Variants in ABCA4 observed in about 807,000 individuals in gnomAD.
The protein encoded by ABCA4 is ATP binding cassette subfamily A member 4, also known as retinal-specific phospholipid-transporting ATPase ABCA4.
Under a neutral mutation model 263.7 loss-of-function variants are expected in ABCA4, and 196 were observed. The ratio of observed to expected loss-of-function variants is 0.74; its 90% confidence interval spans 0.66 to 0.84. The LOEUF (loss-of-function observed/expected upper bound fraction) is 0.84, where lower values mean the gene tolerates loss of function less well. Ranked by LOEUF, ABCA4 falls within the 40% of genes least tolerant of loss-of-function variation. The pLI, the probability that ABCA4 is intolerant of heterozygous loss-of-function variation, is 0.00. For missense variants in ABCA4, 2,792 were observed against 2,855.1 expected, an observed-to-expected ratio of 0.98 and a Z score of 0.50; for synonymous variants, 1,133 against 1,094.2, an observed-to-expected ratio of 1.04 and a Z score of -0.70.
At chr1:94,050,030 G>A (rs750389739) in intron 17 of ABCA4, among the ~76,000 whole-genome samples, 1 of 152,174 alleles carries the variant, frequency 6.6e-6, no homozygotes, top group Non-Finnish European at 1.5e-5. Context: ...GGAGCAGGGC[G>A]AGATTTCTCA....
In ABCA4 at chr1:94,062,637, G is replaced by A. The variant is rs778392569; in HGVS notation, c.1877C>T (p.Ala626Val). 40 of 1,614,004 alleles carry A rather than the reference G, an allele frequency of 2.5e-5. 1 individual carries two copies. Among genetic ancestry groups the A allele is most frequent in the East Asian group, 8.9e-5 (4 of 44,884 alleles). The change falls in exon 13 of 50, where the codon GCG (alanine) becomes GTG (valine). Residue 626 changes from alanine to valine, a missense_variant. Coordinates refer to ENST00000370225, the MANE Select transcript of ABCA4 (RefSeq NM_000350.3). Reference sequence around the variant, plus strand: ...GAGGTAGATTCCAACTGGAGCCTCCGCCTGCACCTGGCTCCTTGTGATCCC... The same window carrying A: ...GAGGTAGATTCCAACTGGAGCCTCCACCTGCACCTGGCTCCTTGTGATCCC... Reference protein sequence around the residue: ...EQGITRSQVQAEAPVGIYLQQ... With the variant: ...EQGITRSQVQVEAPVGIYLQQ...
chr1:94,105,835 G>A (rs1662417242), intron 4 of ABCA4, among the ~76,000 whole-genome samples: 1 of 152,172 alleles, frequency 6.6e-6, no homozygotes, highest in African/African-American at 2.4e-5. Context: ...GAAAACCTCT[G>A]CCTGGGTCAA....
rs778817150 is a variant in ABCA4, at chr1:94,111,489, C to A, written c.251G>T (p.Ser84Ile). 6.2e-7 allele frequency: 1 copy of A among 1,614,184 alleles called. No individual in the cohort carries two copies. The highest frequency in any genetic ancestry group is 8.5e-7 in the Non-Finnish European group (1 of 1,180,022). Residue 84 changes from serine (S) to isoleucine (I), a missense_variant, in exon 3 of 50, where the codon AGC (serine) becomes ATC (isoleucine). Ser to Ile is a moderately radical substitution (Grantham distance 142). Transcript: ENST00000370225. Reference sequence around the variant, plus strand: ...TCCAGGAGATTCTCCTGGGGTGGGGCTTTGAAAACAGGGATTGTTCACATT... The same window carrying A: ...TCCAGGAGATTCTCCTGGGGTGGGGATTTGAAAACAGGGATTGTTCACATT... ...FCNVNNPCFQ[S>I]PTPGESPGIV...
chr1:94,040,437 C>T (rs998807255), intron 23 of ABCA4, among the ~76,000 whole-genome samples: 2 of 152,158 alleles, frequency 1.3e-5, no homozygotes, highest in South Asian at 2.1e-4. Flanking sequence ...GTGCCTCCCT[C>T]CCCGTGGATG....
chr1:94,034,771 T>A (rs74902912), intron 26 of ABCA4, among the ~76,000 whole-genome samples: 3,823 of 152,092 alleles, frequency 0.025, 177 homozygotes, highest in African/African-American at 0.088. Flanking sequence ...GCCTGCTTCA[T>A]AAGATTACAG....
rs189864729 is a variant in ABCA4, at chr1:94,059,117, A to T, written c.2160+1420T>A. 1.3e-4 allele frequency among the ~76,000 whole-genome samples: 20 copies of T among 152,350 alleles called. No homozygotes were observed. The East Asian group carries it at 3.9e-3, about 29-fold the overall frequency. ...CCCATTCTTAGGAGGGCAGATCTCA[A>T]TGCTGCTTATCAACAAGCCAGGCAA... On this transcript the variant is annotated intron_variant, in intron 14 of 49. Transcript: ENST00000370225.
chr1:94,049,486 G>T (rs1368567709), intron 17 of ABCA4, among the ~76,000 whole-genome samples: 4 of 152,002 alleles, frequency 2.6e-5, no homozygotes, highest in Non-Finnish European at 4.4e-5. Flanking sequence ...TAGCCGGGTG[G>T]GGTGGCGCTC....
chr1:94,049,104 C>T (rs1341390192), intron 17 of ABCA4, 147 bp from the exon 18 acceptor site: 2 of 729,924 alleles, frequency 2.7e-6, no homozygotes, highest in East Asian at 5.4e-5. Flanking sequence ...CAAGCCTGAT[C>T]ACACAATCTT....
In ABCA4 at chr1:94,005,529, A is replaced by C; in HGVS notation, c.6059T>G (p.Phe2020Cys). 1 of 1,614,190 alleles carries C rather than the reference A, an allele frequency of 6.2e-7. No homozygotes were observed. Reference sequence around the variant, plus strand: ...TGTGAGCAGCTCATCAATTGCATCAAACTGAGGACAGTAGCCCATATTTTG... The same window carrying C: ...TGTGAGCAGCTCATCAATTGCATCACACTGAGGACAGTAGCCCATATTTTG... ...VHQNMGYCPQ[F>C]DAIDELLTGR... The change falls in exon 44 of 50, where the codon TTT becomes TGT. Residue 2020 changes from phenylalanine (F) to cysteine (C), a missense_variant. Phe to Cys is a radical substitution (Grantham distance 205). Coordinates refer to ENST00000370225, the MANE Select transcript of ABCA4 (RefSeq NM_000350.3).
At chr1:94,110,047 G>T (rs182311188) in intron 3 of ABCA4, among the ~76,000 whole-genome samples, 1 of 152,184 alleles carries the variant, frequency 6.6e-6, no homozygotes, top group African/African-American at 2.4e-5. Context: ...CTGTCTTCAG[G>T]CCTCCCTGAT....
chr1:94,058,642 G>A (rs182818669), intron 14 of ABCA4, among the ~76,000 whole-genome samples: 44 of 152,346 alleles, frequency 2.9e-4, no homozygotes, highest in African/African-American at 6.5e-4. Context: ...GGTTACAGGC[G>A]TGAGCCACCA....
intron 11 of ABCA4, among the ~76,000 whole-genome samples, chr1:94,065,165 T>C (rs919567607): frequency 6.6e-6 from 1 of 151,728 alleles, no homozygotes; most frequent in Non-Finnish European, 1.5e-5. Flanking sequence ...CTAGAGTTCT[T>C]CCTGCCACAC....
chr1:94,091,573 A>G (rs1661967751), intron 6 of ABCA4, among the ~76,000 whole-genome samples: 1 of 137,040 alleles, frequency 7.3e-6, no homozygotes, highest in Admixed American at 8.4e-5. Context: ...AATGGCAAAC[A>G]TCATCTCACA....
intron 30 of ABCA4, among the ~76,000 whole-genome samples, chr1:94,028,328 C>A (rs1214113426): frequency 6.6e-6 from 1 of 152,124 alleles, no homozygotes; most frequent in South Asian, 2.1e-4. Flanking sequence ...TCTCTAAATC[C>A]CCCAGGAGAT....
Position 94,095,868 on chromosome 1 carries a change from C to A in ABCA4, c.768+2926G>T, listed in dbSNP as rs1024066711. ...CCTGCTTCGGTTGGATCTTTCTCCA[C>A]CGAGACGGAAGCAGGAGTGAGAGGA... On this transcript the variant is annotated intron_variant, in intron 6 of 49. Transcript: ENST00000370225. Among the ~76,000 whole-genome samples the A allele has an allele frequency of 8.6e-5, 13 of 151,392 alleles. No individual in the cohort carries two copies. The Admixed American group carries it at 8.6e-4, about 10-fold the overall frequency.
chr1:94,112,867 T>G (rs966986963), intron 2 of ABCA4, 106 bp downstream of exon 2: 7 of 816,006 alleles, frequency 8.6e-6, no homozygotes, highest in Non-Finnish European at 1.1e-5. Context: ...CATGAAATGA[T>G]GATAAGCAGA....
At chr1:94,042,480 A>C (rs907265831) in intron 22 of ABCA4, among the ~76,000 whole-genome samples, 1 of 152,218 alleles carries the variant, frequency 6.6e-6, no homozygotes, top group Non-Finnish European at 1.5e-5. Flanking sequence ...ATTCACCTAG[A>C]GTAGCATCCA....
In ABCA4 at chr1:94,014,543, C is replaced by T; in HGVS notation, c.5460G>A (p.Arg1820=). 17 of 1,614,128 alleles carry T rather than the reference C, an allele frequency of 1.1e-5. No homozygotes were observed. The highest frequency in any genetic ancestry group is 1.4e-5 in the Non-Finnish European group (17 of 1,180,020). The part of the protein sequence containing the change: ...TFILELFENN[R]TLLRFNAVLR... ...AAAAAGCCAAGAAAGTTATGCTCAC[C>T]CGGTTATTCTCAAATAATTCCAAGA... The change falls in exon 38 of 50, where the codon CGG becomes CGA. Residue 1820 remains arginine, a splice_region_variant and synonymous_variant. Transcript: ENST00000370225.
chr1:94,019,164 G>A (rs971351532), intron 36 of ABCA4, among the ~76,000 whole-genome samples: 1 of 151,592 alleles, frequency 6.6e-6, no homozygotes, highest in Admixed American at 6.6e-5. Context: ...CTACCACAGG[G>A]AAAGTTTTAC....
Sources: gnomAD v4.1 joint callset for allele counts (sites outside exome capture counted in the v4.1 genomes callset) on GRCh38, gnomAD v4.1.1 for gene constraint, MANE v1.5 for transcripts, NCBI Gene and HGNC (gene_info 2026-07-23, HGNC 2026-07-21) for gene names.